The following TMEM207 variants were observed in gnomAD, a reference collection of about 807,000 sequenced individuals.
TMEM207 encodes the protein transmembrane protein 207, also known as SRSR846.
Under a neutral mutation model 17.4 loss-of-function variants are expected in TMEM207, and 15 were observed. The observed-to-expected ratio is 0.86, with a 90% CI of 0.58 to 1.33. The LOEUF (loss-of-function observed/expected upper bound fraction) is 1.33, where lower values mean the gene tolerates loss of function less well. Ranked by LOEUF, TMEM207 falls within the 40% of genes most tolerant of loss-of-function variation. The pLI is 0.00. For synonymous variants in TMEM207, 70 were observed against 65.6 expected, an observed-to-expected ratio of 1.07 and a Z score of -0.33; for missense variants, 205 against 173.8, an observed-to-expected ratio of 1.18 and a Z score of -1.01.
intron 1 of TMEM207, 47 bp downstream of exon 1, chr3:190,449,688 C>G: frequency 1.3e-6 from 2 of 1,537,754 alleles, no homozygotes; most frequent in Non-Finnish European, 1.8e-6. Context: ...CCTCAGAGTA[C>G]CTCAGAGTAC....
rs745897132 is a variant in TMEM207, at chr3:190,441,464, G to A, written c.132C>T (p.Asp44=). ...AGATATACCAGCCATTAGGGTGTTG[G>A]TCATTATAATTTACACACCTGGTGA... ...EEDEMCVNYN[D]QHPNGWYIWI... The change falls in exon 3 of 5, where the codon GAC becomes GAT. Residue 44 remains aspartate (D), a synonymous_variant. Transcript: ENST00000354905. 1.5e-5 allele frequency: 24 copies of A among 1,611,716 alleles called. No homozygotes were observed. The highest frequency in any genetic ancestry group is 1.9e-5 in the Non-Finnish European group (22 of 1,178,802).
intron 4 of TMEM207, among the ~76,000 whole-genome samples, chr3:190,439,725 A>G (rs1431353869): frequency 1.3e-5 from 2 of 152,194 alleles, no homozygotes; most frequent in East Asian, 3.8e-4. Context: ...CAGGATCAGG[A>G]CGCTGAGATG....
At chr3:190,438,984 TC>T in intron 4 of TMEM207, among the ~76,000 whole-genome samples, 1 of 151,894 alleles carries the variant, frequency 6.6e-6, no homozygotes, top group East Asian at 1.9e-4. Context: ...GGTCAGGAGA[TC>T]GAGACCACGG....
intron 2 of TMEM207, among the ~76,000 whole-genome samples, chr3:190,444,039 C>A (rs1447095625): frequency 6.6e-6 from 1 of 152,142 alleles, no homozygotes; most frequent in Non-Finnish European, 1.5e-5. Context: ...CTTTATTCTT[C>A]TTCTCTGTGC....
intron 2 of TMEM207, among the ~76,000 whole-genome samples, chr3:190,447,463 T>C (rs1391313637): frequency 1.3e-5 from 2 of 152,156 alleles, no homozygotes; most frequent in African/African-American, 4.8e-5. Context: ...TTTTTGAGTG[T>C]GGATGAAGCC....
intron 4 of TMEM207, among the ~76,000 whole-genome samples, chr3:190,431,394 C>T (rs1359162915): frequency 6.6e-6 from 1 of 151,948 alleles, no homozygotes; most frequent in Admixed American, 6.6e-5. Flanking sequence ...CATGCATCTA[C>T]TTTTATTTAC....
chr3:190,436,834 T>G (rs1467015688), intron 4 of TMEM207, among the ~76,000 whole-genome samples: 1 of 152,172 alleles, frequency 6.6e-6, no homozygotes, highest in Non-Finnish European at 1.5e-5. Flanking sequence ...ATTACTCTTT[T>G]GTATTTTGTT....
intron 2 of TMEM207, among the ~76,000 whole-genome samples, chr3:190,443,137 T>G (rs1390913838): frequency 7.0e-6 from 1 of 143,358 alleles, no homozygotes; most frequent in Non-Finnish European, 1.5e-5. Flanking sequence ...CTGACACAAT[T>G]AAAAAAGCTT....
chr3:190,441,424 G>A lies in TMEM207; in HGVS notation c.158+14C>T. ...CACCAACTGTCATATAAAACAAATG[G>A]AAGATATCCTTACCAGATATACCAG... is the stretch of plus-strand genomic sequence containing the variant. On this transcript the variant is annotated intron_variant, in intron 3 of 4. Transcript: ENST00000354905. 6.3e-7 allele frequency: 1 copy of A among 1,598,546 alleles called. No homozygotes were observed. Among genetic ancestry groups the A allele is most frequent in the Non-Finnish European group, 8.6e-7 (1 of 1,167,394 alleles).
At chr3:190,447,295 G>T (rs1327761461) in intron 2 of TMEM207, among the ~76,000 whole-genome samples, 1 of 152,162 alleles carries the variant, frequency 6.6e-6, no homozygotes, top group Non-Finnish European at 1.5e-5. Context: ...GAACCATTAA[G>T]TCTATCGCAC....
intron 4 of TMEM207, among the ~76,000 whole-genome samples, chr3:190,437,357 G>A (rs541160093): frequency 1.3e-5 from 2 of 152,152 alleles, no homozygotes; most frequent in Non-Finnish European, 2.9e-5. Flanking sequence ...ATTAGTTGAC[G>A]TGCAGTAAAC....
chr3:190,449,566 C>T (rs1260087621), intron 1 of TMEM207, among the ~76,000 whole-genome samples, 169 bp downstream of exon 1: 1 of 152,136 alleles, frequency 6.6e-6, no homozygotes. Context: ...TTTGTTTTGT[C>T]CCTCTGACCA....
At chr3:190,448,670 TC>T (rs1394399061) in intron 1 of TMEM207, among the ~76,000 whole-genome samples, 1 of 152,188 alleles carries the variant, frequency 6.6e-6, no homozygotes. Context: ...GTATTTATTT[TC>T]CTGGACTATA....
intron 2 of TMEM207, 141 bp from the exon 3 acceptor site, chr3:190,441,623 G>T: frequency 7.9e-6 from 5 of 630,508 alleles, no homozygotes; most frequent in East Asian, 2.7e-5. Flanking sequence ...ATATCGTCCC[G>T]CACCCAGCAC....
chr3:190,448,742 C>T (rs1299571755), intron 1 of TMEM207, among the ~76,000 whole-genome samples: 3 of 152,106 alleles, frequency 2.0e-5, no homozygotes, highest in Non-Finnish European at 2.9e-5. Flanking sequence ...CTTGGGAGTT[C>T]TGTGTGAGAT....
chr3:190,449,725 A>G lies in TMEM207; in HGVS notation c.75+10T>C. On this transcript the variant is annotated intron_variant, in intron 1 of 4. Coordinates refer to ENST00000354905, the MANE Select transcript of TMEM207 (RefSeq NM_207316.3). ...TCTGAAAACCTTAACCCAGAAAGAG[A>G]GATAGTTACCTGGAATAGCGGCAAA... 1 of 1,613,476 alleles carries G rather than the reference A, an allele frequency of 6.2e-7. No individual in the cohort carries two copies. The highest frequency in any genetic ancestry group is 8.5e-7 in the Non-Finnish European group (1 of 1,179,528).
In TMEM207 at chr3:190,437,999, CA is replaced by C. The variant is rs1719839951; in HGVS notation, c.304+2244del. On this transcript the variant is annotated intron_variant, in intron 4 of 4. Transcript: ENST00000354905. ...CATTCTCAGTAAACTATCGCAAGGA[CA>C]AAAAACCAAACACCGTGTGTTCTCA... 2.7e-5 allele frequency among the ~76,000 whole-genome samples: 4 copies of C among 148,776 alleles called. No individual in the cohort carries two copies. In the Admixed American group the frequency reaches 2.7e-4, roughly 10 times the overall value.
At chr3:190,440,034 G>A (rs888726564) in intron 4 of TMEM207, among the ~76,000 whole-genome samples, 1 of 152,062 alleles carries the variant, frequency 6.6e-6, no homozygotes, top group Non-Finnish European at 1.5e-5. Flanking sequence ...TTAACTGTGG[G>A]TCAGTTCCCA....
chr3:190,446,726 C>T (rs1252078518), intron 2 of TMEM207, among the ~76,000 whole-genome samples: 1 of 152,148 alleles, frequency 6.6e-6, no homozygotes, highest in African/African-American at 2.4e-5. Flanking sequence ...TTCTTAATAC[C>T]GTATGTTTCT....
Sources: gnomAD v4.1 joint callset for allele counts (sites outside exome capture counted in the v4.1 genomes callset) on GRCh38, gnomAD v4.1.1 for gene constraint, MANE v1.5 for transcripts, NCBI Gene and HGNC (gene_info 2026-07-23, HGNC 2026-07-21) for gene names.